The following PAK1IP1 variants were observed in gnomAD, a reference collection of about 807,000 sequenced individuals.
PAK1IP1 encodes PAK1 interacting protein 1.
A neutral mutation model predicts 42.0 loss-of-function variants in PAK1IP1; 24 were observed. That is an observed-to-expected ratio of 0.57 (90% CI 0.41 to 0.80). PAK1IP1 has a LOEUF of 0.80. Among genes scored for constraint, PAK1IP1 ranks in the 30% least tolerant of loss-of-function variants. The pLI is 0.00. For missense variants in PAK1IP1, 411 were observed against 467.9 expected, an observed-to-expected ratio of 0.88 and a Z score of 1.12; for synonymous variants, 154 against 156.7, an observed-to-expected ratio of 0.98 and a Z score of 0.13.
chr6:10,704,167 C>T (rs186336624), intron 5 of PAK1IP1, among the ~76,000 whole-genome samples: 31 of 152,122 alleles, frequency 2.0e-4, no homozygotes, highest in Non-Finnish European at 2.9e-4. Context: ...ATTACAGGCG[C>T]GTGCCACCAT....
intron 2 of PAK1IP1, among the ~76,000 whole-genome samples, chr6:10,700,047 G>A (rs1210121447): frequency 2.7e-5 from 4 of 148,252 alleles, no homozygotes; most frequent in East Asian, 2.0e-4. Flanking sequence ...ACAAACAAAC[G>A]AAAAAAACAA....
Position 10,709,335 on chromosome 6 carries a change from A to G in PAK1IP1, c.1062A>G (p.Leu354=), listed in dbSNP as rs922092176. ...RSKPNTKKRG[L]TGDSKKATKE... is the part of the protein sequence containing the mutation. ...AACCTAACACAAAGAAACGCGGTTT[A>G]ACAGGTGACAGTAAGAAAGCAACAA... Residue 354 remains leucine, a synonymous_variant, in exon 10 of 10, where the codon TTA becomes TTG. Coordinates refer to ENST00000379568, the MANE Select transcript of PAK1IP1 (RefSeq NM_017906.3). The G allele has an allele frequency of 6.2e-6, 10 of 1,613,962 alleles. No individual in the cohort carries two copies. The highest frequency in any genetic ancestry group is 2.7e-5 in the African/African-American group (2 of 74,922).
At chr6:10,706,259 A>G (rs919794789) in intron 7 of PAK1IP1, among the ~76,000 whole-genome samples, 2 of 152,122 alleles carry the variant, frequency 1.3e-5, no homozygotes, top group South Asian at 4.1e-4. Context: ...ACAGGTGCAA[A>G]GACCCTGAGG....
intron 7 of PAK1IP1, among the ~76,000 whole-genome samples, chr6:10,705,835 G>C (rs1770185537): frequency 6.6e-6 from 1 of 152,076 alleles, no homozygotes; most frequent in Non-Finnish European, 1.5e-5. Context: ...TTAAACAGTG[G>C]TTAAGTTTTA....
At position 10,709,364 on chromosome 6, in the gene PAK1IP1, A is replaced by C; in HGVS notation, c.1091A>C (p.Glu364Ala). 2 of 1,614,066 alleles carry C rather than the reference A, an allele frequency of 1.2e-6. No individual in the cohort carries two copies. The highest frequency in any genetic ancestry group is 3.3e-5 in the Admixed American group (2 of 60,010). ...LTGDSKKATK[E>A]SGLISTKKRK... is the part of the protein sequence containing the mutation. ...GGTGACAGTAAGAAAGCAACAAAAG[A>C]AAGTGGCCTGATATCAACCAAGAAG... The change falls in exon 10 of 10, where the codon GAA becomes GCA. Residue 364 changes from glutamate (E) to alanine (A), a missense_variant. Coordinates refer to ENST00000379568, the MANE Select transcript of PAK1IP1 (RefSeq NM_017906.3).
intron 2 of PAK1IP1, among the ~76,000 whole-genome samples, chr6:10,701,922 A>C (rs1770038168): frequency 6.6e-6 from 1 of 152,174 alleles, no homozygotes; most frequent in Admixed American, 6.5e-5. Context: ...GAAAAAATTT[A>C]AGGTATGTTT....
intron 1 of PAK1IP1, among the ~76,000 whole-genome samples, 156 bp downstream of exon 1, chr6:10,695,225 A>G (rs1341292762): frequency 3.9e-5 from 6 of 152,196 alleles, no homozygotes; most frequent in Admixed American, 3.9e-4. Flanking sequence ...AACCTTTTAA[A>G]CCGTAGAATG....
At chr6:10,692,461 T>C (rs1416832514), upstream of PAK1IP1, among the ~76,000 whole-genome samples, 1 of 152,184 alleles carries the variant, frequency 6.6e-6, no homozygotes, top group Non-Finnish European at 1.5e-5. Context: ...GACTTTTTTT[T>C]TGAGACAGTC....
upstream of PAK1IP1, among the ~76,000 whole-genome samples, chr6:10,693,846 A>C (rs1031978908): frequency 6.6e-6 from 1 of 152,078 alleles, no homozygotes; most frequent in African/African-American, 2.4e-5. Context: ...CTCCCACCTC[A>C]GCCTTCCGAG....
Position 10,695,024 on chromosome 6 carries a change from T to C in PAK1IP1, c.39T>C (p.Phe13=), listed in dbSNP as rs1418066411. 1 of 1,603,246 alleles carries C rather than the reference T, an allele frequency of 6.2e-7. No individual in the cohort carries two copies. Among genetic ancestry groups the C allele is most frequent in the Admixed American group, 1.7e-5 (1 of 59,946 alleles). ...LVAGCYEQVL[F]GFAVHPEPEA... is the part of the protein sequence containing the mutation. ...CTGGTTGCTACGAGCAGGTCCTCTT[T>C]GGGTTCGCTGTACACCCGGAGCCCG... The change falls in exon 1 of 10, where the codon TTT becomes TTC. Residue 13 remains phenylalanine (F), a synonymous_variant. Coordinates refer to ENST00000379568, the MANE Select transcript of PAK1IP1 (RefSeq NM_017906.3).
At position 10,704,501 on chromosome 6, in the gene PAK1IP1, T is replaced by G; in HGVS notation, c.497-6T>G. The G allele has an allele frequency of 6.5e-7, 1 of 1,539,428 alleles. No individual in the cohort carries two copies. Among genetic ancestry groups the G allele is most frequent in the Non-Finnish European group, 8.8e-7 (1 of 1,139,540 alleles). On this transcript the variant is annotated splice_polypyrimidine_tract_variant and splice_region_variant and intron_variant, in intron 5 of 9. Coordinates refer to ENST00000379568, the MANE Select transcript of PAK1IP1 (RefSeq NM_017906.3). ...ATAAATAAACTTCGTTTTTTTCCAC[T>G]TACAGATGCTCACATAGTAGAATGG...
At chr6:10,705,467 C>T (rs1770174657) in intron 7 of PAK1IP1, among the ~76,000 whole-genome samples, 1 of 152,142 alleles carries the variant, frequency 6.6e-6, no homozygotes, top group African/African-American at 2.4e-5. Context: ...AGCTTTGTTC[C>T]CATCTACTTT....
At chr6:10,702,240 CAAAA>C (rs57502144) in intron 2 of PAK1IP1, 125 bp from the exon 3 acceptor site, 51 of 573,594 alleles carry the variant, frequency 8.9e-5, no homozygotes, top group Non-Finnish European at 1.0e-4. Flanking sequence ...AACCCTGCCT[CAAAA>C]AAAAAAAAAA....
rs756176747 is a variant in PAK1IP1, at chr6:10,695,013, C to G, written c.28C>G (p.Gln10Glu). 17 of 1,601,486 alleles carry G rather than the reference C, an allele frequency of 1.1e-5. No individual in the cohort carries two copies. The highest frequency in any genetic ancestry group is 1.1e-5 in the Non-Finnish European group (13 of 1,179,544). ...GGAGCTGGTCGCTGGTTGCTACGAG[C>G]AGGTCCTCTTTGGGTTCGCTGTACA... MELVAGCYE[Q>E]VLFGFAVHPE... Residue 10 changes from glutamine to glutamate, a missense_variant, in exon 1 of 10, where the codon CAG (glutamine) becomes GAG (glutamate). Coordinates refer to ENST00000379568, the MANE Select transcript of PAK1IP1 (RefSeq NM_017906.3).
chr6:10,703,925 GT>G (rs755687067), intron 5 of PAK1IP1, among the ~76,000 whole-genome samples: 1 of 152,124 alleles, frequency 6.6e-6, no homozygotes, highest in Non-Finnish European at 1.5e-5. Context: ...AATGCCTTGG[GT>G]TACTTTCTTT....
chr6:10,695,983 A>G (rs1769822196), intron 1 of PAK1IP1, among the ~76,000 whole-genome samples: 1 of 151,934 alleles, frequency 6.6e-6, no homozygotes, highest in South Asian at 2.1e-4. Flanking sequence ...TTTGTAGTGA[A>G]ATTACTTAAC....
intron 9 of PAK1IP1, 71 bp from the exon 10 acceptor site, chr6:10,709,167 G>C: frequency 2.0e-6 from 3 of 1,507,694 alleles, no homozygotes; most frequent in Non-Finnish European, 2.7e-6. Context: ...TCACTTTATT[G>C]ACAGCTTGTG....
At chr6:10,706,982 A>G (rs1288807566) in intron 7 of PAK1IP1, among the ~76,000 whole-genome samples, 1 of 152,070 alleles carries the variant, frequency 6.6e-6, no homozygotes, top group Non-Finnish European at 1.5e-5. Context: ...TGTGATCCAG[A>G]GGAAAAATGA....
At chr6:10,693,473 C>T (rs9461046), upstream of PAK1IP1, among the ~76,000 whole-genome samples, 5,553 of 152,294 alleles carry the variant, frequency 0.036, 328 homozygotes, top group African/African-American at 0.12. Flanking sequence ...CCAAACTAGC[C>T]TCTATTAACA....
Sources: gnomAD v4.1 joint callset for allele counts (sites outside exome capture counted in the v4.1 genomes callset) on GRCh38, gnomAD v4.1.1 for gene constraint, MANE v1.5 for transcripts, NCBI Gene and HGNC (gene_info 2026-07-23, HGNC 2026-07-21) for gene names.